CYP4F22: variants seen among roughly 807,000 people sequenced by gnomAD.
CYP4F22 encodes ultra-long-chain fatty acid omega-hydroxylase.
Under a neutral mutation model 60.4 loss-of-function variants are expected in CYP4F22, and 37 were observed. That is an observed-to-expected ratio of 0.61 (90% CI 0.47 to 0.81). CYP4F22 has a LOEUF of 0.81. Among genes scored for constraint, CYP4F22 ranks in the 30% least tolerant of loss-of-function variants. CYP4F22 has a pLI of 0.00. For missense variants in CYP4F22, 655 were observed against 715.0 expected (o/e 0.92, Z 0.96); for synonymous variants, 258 against 280.5 (o/e 0.92, Z 0.80).
At chr19:15,534,922 TGGG>T (rs2144524639) in intron 4 of CYP4F22, among the ~76,000 whole-genome samples, 1 of 152,058 alleles carries the variant, frequency 6.6e-6, no homozygotes, top group Admixed American at 6.6e-5. Flanking sequence ...GGTGATATGT[TGGG>T]GGGAATAGGA....
chr19:15,527,323 T>A (rs1195950367), intron 3 of CYP4F22, among the ~76,000 whole-genome samples: 1 of 152,068 alleles, frequency 6.6e-6, no homozygotes, highest in Non-Finnish European at 1.5e-5. Context: ...GGCTCCAACC[T>A]CCATCCTCCT....
At chr19:15,536,173 TAC>T (rs1342025523) in intron 4 of CYP4F22, among the ~76,000 whole-genome samples, 4 of 151,464 alleles carry the variant, frequency 2.6e-5, no homozygotes, top group Non-Finnish European at 5.9e-5. Context: ...ACCCTGTCCA[TAC>T]ACAAAATTAA....
intron 8 of CYP4F22, among the ~76,000 whole-genome samples, chr19:15,541,780 T>C (rs1291724643): frequency 6.8e-6 from 1 of 148,036 alleles, no homozygotes; most frequent in African/African-American, 2.6e-5. Flanking sequence ...CTCGGGAGGT[T>C]GAGGCAAAAG....
intron 1 of CYP4F22, among the ~76,000 whole-genome samples, chr19:15,511,194 G>A (rs1026216500): frequency 2.6e-5 from 4 of 151,142 alleles, no homozygotes; most frequent in Non-Finnish European, 1.5e-5. Context: ...TCGAACTCCC[G>A]ACCTCAGGTG....
At chr19:15,538,107 C>A in intron 7 of CYP4F22, 114 bp downstream of exon 7, 1 of 1,441,064 alleles carries the variant, frequency 6.9e-7, no homozygotes, top group Non-Finnish European at 9.6e-7. Flanking sequence ...AGCTCTGCCA[C>A]GGATGGGCCA....
chr19:15,508,691 G>C (rs1384330803), intron 1 of CYP4F22, 108 bp downstream of exon 1: 1 of 152,706 alleles, frequency 6.5e-6, no homozygotes, highest in Non-Finnish European at 1.5e-5. Flanking sequence ...GAAGGTCTGC[G>C]CGCGGCGGCG....
At chr19:15,547,429 TC>T (rs1971539860) in intron 10 of CYP4F22, among the ~76,000 whole-genome samples, 1 of 152,130 alleles carries the variant, frequency 6.6e-6, no homozygotes, top group South Asian at 2.1e-4. Context: ...CCCCTGGACC[TC>T]CACATAATTC....
At chr19:15,529,232 G>T (rs1282269150) in intron 3 of CYP4F22, among the ~76,000 whole-genome samples, 1 of 151,738 alleles carries the variant, frequency 6.6e-6, no homozygotes, top group East Asian at 1.9e-4. Flanking sequence ...GGGTTCAAGC[G>T]ATTCTCCTGT....
intron 12 of CYP4F22, among the ~76,000 whole-genome samples, chr19:15,549,941 T>C (rs912133079): frequency 3.9e-5 from 6 of 152,222 alleles, no homozygotes; most frequent in African/African-American, 1.4e-4. Context: ...ATTTATTTAT[T>C]TGAGACTGGG....
chr19:15,547,998 A>T lies in CYP4F22; in HGVS notation c.1137-110A>T, dbSNP rs62113243. ...GAGAGAGAGAGAGAGAGAGAGAGGGAGAGAGTGTGTGTGTGTGTGTGTGTG... is the reference window on the plus strand; with the variant it reads ...GAGAGAGAGAGAGAGAGAGAGAGGGTGAGAGTGTGTGTGTGTGTGTGTGTG... On this transcript the variant is annotated intron_variant, in intron 10 of 13. Coordinates refer to ENST00000269703, the MANE Select transcript of CYP4F22 (RefSeq NM_173483.4). The T allele has an allele frequency of 5.9e-3, 1,881 of 317,288 alleles. 156 individuals carry two copies. In the African/African-American group the frequency reaches 0.061, roughly 10 times the overall value. The allele number at this position is 317,288 out of a possible 1,614,324, so 19.7% of individuals were successfully genotyped here. A position where few individuals can be genotyped will look rare whatever the true frequency, so the allele number is the denominator to read the frequency against.
At position 15,513,361 on chromosome 19, in the gene CYP4F22, ATT is replaced by A. The variant is rs1216724764; in HGVS notation, c.-109+4798_-109+4799del. On this transcript the variant is annotated intron_variant, in intron 1 of 13. Transcript: ENST00000269703. ...CTGCTAATTTTTTGTATATATATATATTTTTTTTTTTTTTTTTTTTTGAGACA... is the reference window on the plus strand; with the variant it reads ...CTGCTAATTTTTTGTATATATATATATTTTTTTTTTTTTTTTTTTGAGACA... Among the ~76,000 whole-genome samples, 1,007 of 121,188 alleles carry A rather than the reference ATT, an allele frequency of 8.3e-3. 7 individuals carry two copies. The highest frequency in any genetic ancestry group is 0.031 in the African/African-American group (913 of 29,536). 79.5% of individuals were successfully genotyped at this position (121,188 alleles called of 152,430 possible).
chr19:15,541,267 A>G (rs62113208), intron 8 of CYP4F22, among the ~76,000 whole-genome samples: 25,871 of 152,188 alleles, frequency 0.17, 2,594 homozygotes, highest in Middle Eastern at 0.31. Context: ...GAAGTCCAAG[A>G]TCAAGGTATC....
rs1445943409 is a variant in CYP4F22, at chr19:15,551,464, G to C, written c.1589G>C (p.Arg530Pro). 2.6e-6 allele frequency: 4 copies of C among 1,559,038 alleles called. No individual in the cohort carries two copies. The highest frequency in any genetic ancestry group is 3.5e-6 in the Non-Finnish European group (4 of 1,152,320). The change falls in exon 14 of 14, where the codon CGG becomes CCG. Residue 530 changes from arginine (R) to proline (P), a missense_variant. Arg to Pro is a moderately radical substitution (Grantham distance 103). This residue lies in a region of CYP4F22 where 151 missense variants were observed against 139.4 expected (regional missense o/e 1.08). Coordinates refer to ENST00000269703, the MANE Select transcript of CYP4F22 (RefSeq NM_173483.4). ...LWLKVEPLPP[R>P]A ...CTCAAGGTGGAGCCGCTGCCTCCGC[G>C]GGCCTGAGCGTGGGCGCGCCCCTGC...
chr19:15,520,145 C>G (rs1339852158), intron 1 of CYP4F22, among the ~76,000 whole-genome samples: 1 of 151,928 alleles, frequency 6.6e-6, no homozygotes, highest in Non-Finnish European at 1.5e-5. Context: ...CAGATCGAGA[C>G]CATCCTGGTT....
Position 15,542,016 on chromosome 19 carries a change from G to A in CYP4F22, c.939+1299G>A, listed in dbSNP as rs564750347. ...GTCCTGGCTCTGTCGCTTAGTGGATGTTTGACCTTAGTCATTGACTCTTCT... is the reference window on the plus strand; with the variant it reads ...GTCCTGGCTCTGTCGCTTAGTGGATATTTGACCTTAGTCATTGACTCTTCT... On this transcript the variant is annotated intron_variant, in intron 8 of 13. Coordinates refer to ENST00000269703, the MANE Select transcript of CYP4F22 (RefSeq NM_173483.4). 2.4e-4 allele frequency among the ~76,000 whole-genome samples: 37 copies of A among 152,236 alleles called. 1 individual carries two copies. Among genetic ancestry groups the A allele is most frequent in the Middle Eastern group, 3.4e-3 (1 of 294 alleles).
At position 15,544,133 on chromosome 19, in the gene CYP4F22, C is replaced by T; in HGVS notation, c.1007-17C>T. On this transcript the variant is annotated splice_polypyrimidine_tract_variant and intron_variant, in intron 9 of 13. Coordinates refer to ENST00000269703, the MANE Select transcript of CYP4F22 (RefSeq NM_173483.4). Reference sequence around the variant, plus strand: ...TCTTCAGGCAGCCTCCATTCAGATACCCTCATCTCCCTGCAGGTCACGACA... The same window carrying T: ...TCTTCAGGCAGCCTCCATTCAGATATCCTCATCTCCCTGCAGGTCACGACA... The T allele has an allele frequency of 6.2e-7, 1 of 1,614,172 alleles. No individual in the cohort carries two copies.
chr19:15,540,464 A>C lies in CYP4F22; in HGVS notation c.686A>C (p.Tyr229Ser). 1 of 1,614,154 alleles carries C rather than the reference A, an allele frequency of 6.2e-7. No individual in the cohort carries two copies. Among genetic ancestry groups the C allele is most frequent in the Non-Finnish European group, 8.5e-7 (1 of 1,180,032 alleles). ...NSNCQEKMSD[Y>S]ISAIIELSAL... ...CTCCTTGGCAGGAAGATGAGTGATT[A>C]TATCTCCGCTATCATTGAACTGAGC... The change falls in exon 8 of 14, where the codon TAT becomes TCT. Residue 229 changes from tyrosine (Y) to serine (S), a missense_variant. Physicochemically the swap from Tyr to Ser is moderately radical, Grantham distance 144. This residue lies in a region of CYP4F22 where 430 missense variants were observed against 457.1 expected (regional missense o/e 0.94). Coordinates refer to ENST00000269703, the MANE Select transcript of CYP4F22 (RefSeq NM_173483.4).
chr19:15,525,239 G>A, intron 2 of CYP4F22, 97 bp from the exon 3 acceptor site: 2 of 1,207,126 alleles, frequency 1.7e-6, no homozygotes, highest in Non-Finnish European at 2.4e-6. Flanking sequence ...GAACTCACGT[G>A]TGCTGGGAAC....
chr19:15,543,810 T>C (rs547578946), intron 8 of CYP4F22, among the ~76,000 whole-genome samples, 161 bp from the exon 9 acceptor site: 2 of 148,872 alleles, frequency 1.3e-5, no homozygotes, highest in South Asian at 2.1e-4. Flanking sequence ...TTAGCCGAGA[T>C]TGTGCCACCG....
Sources: allele counts gnomAD v4.1 joint callset (sites outside exome capture counted in the v4.1 genomes callset), GRCh38; gene constraint gnomAD v4.1.1; regional missense constraint gnomAD v4.1.1; transcripts MANE v1.5; gene names NCBI Gene and HGNC (gene_info 2026-07-23, HGNC 2026-07-21).